The following H2AZ2 variants were observed in gnomAD, a reference collection of about 807,000 sequenced individuals.
The protein encoded by H2AZ2 is H2A.Z variant histone 2.
H2AZ2 carries 5 observed loss-of-function variants against 15.5 expected under a neutral mutation model. The observed-to-expected ratio is 0.32, with a 90% CI of 0.17 to 0.68. The LOEUF (loss-of-function observed/expected upper bound fraction) is 0.68, where lower values mean the gene tolerates loss of function less well. H2AZ2 is among the 30% of genes least tolerant of loss of function. The pLI is 0.72. For missense variants in H2AZ2, 42 were observed against 162.5 expected (o/e 0.26, Z 4.03); for synonymous variants, 44 against 57.4 (o/e 0.77, Z 1.05).
chr7:44,840,001 C>CT (rs1562787569), intron 3 of H2AZ2, among the ~76,000 whole-genome samples: 2 of 123,212 alleles, frequency 1.6e-5, no homozygotes, highest in African/African-American at 6.4e-5. Flanking sequence ...GACCCTGTCT[C>CT]AAAATAAATA....
intron 1 of H2AZ2, among the ~76,000 whole-genome samples, chr7:44,844,925 C>T (rs1449216148): frequency 6.6e-6 from 1 of 152,030 alleles, no homozygotes; most frequent in African/African-American, 2.4e-5. Context: ...GGAGGAAATA[C>T]TAAAGGTCTG....
At chr7:44,829,643 T>C (rs1163790245), downstream of H2AZ2, 1 of 150,592 alleles carries the variant, frequency 6.6e-6, no homozygotes, top group Admixed American at 6.6e-5. Context: ...GGTAGAAGAT[T>C]GTGGAAAGGC....
Position 44,848,068 on chromosome 7 carries a change from G to T in H2AZ2, c.-97C>A. ...TCTCGCAGCACCGACCGCCGCCGCC[G>T]GAGCCGGACAATACCCCGTGCCCGC... is the stretch of plus-strand genomic sequence containing the variant. On this transcript the variant is annotated 5_prime_UTR_variant, in exon 1 of 5. Coordinates refer to ENST00000308153, the MANE Select transcript of H2AZ2 (RefSeq NM_012412.5). The T allele has an allele frequency of 1.4e-6, 1 of 733,006 alleles. No individual in the cohort carries two copies. The highest frequency in any genetic ancestry group is 1.9e-6 in the Non-Finnish European group (1 of 537,176). The allele number at this position is 733,006 out of a possible 1,614,324, so 45.4% of individuals were successfully genotyped here. A position where few individuals can be genotyped will look rare whatever the true frequency, so the allele number is the denominator to read the frequency against.
At chr7:44,827,122 T>G (rs958606407), downstream of H2AZ2, 2 of 152,220 alleles carry the variant, frequency 1.3e-5, no homozygotes, top group African/African-American at 4.8e-5. Flanking sequence ...GGGAATCACC[T>G]CATCTGTGCA....
At chr7:44,829,551 G>C (rs1396281895), downstream of H2AZ2, 1 of 146,302 alleles carries the variant, frequency 6.8e-6, no homozygotes, top group African/African-American at 2.5e-5. Context: ...AGTGAGCCAA[G>C]ATCGTGCCAT....
At chr7:44,845,023 A>G (rs2071606046) in intron 1 of H2AZ2, among the ~76,000 whole-genome samples, 1 of 152,210 alleles carries the variant, frequency 6.6e-6, no homozygotes, top group Admixed American at 6.5e-5. Context: ...AAATCAGTTT[A>G]CAAGATTGGC....
At chr7:44,839,293 T>C (rs903016767) in intron 3 of H2AZ2, among the ~76,000 whole-genome samples, 1 of 152,140 alleles carries the variant, frequency 6.6e-6, no homozygotes, top group Admixed American at 6.6e-5. Context: ...TGGTGGTTTA[T>C]GTCTGTAATC....
intron 3 of H2AZ2, among the ~76,000 whole-genome samples, chr7:44,840,326 A>G (rs1202144750): frequency 2.0e-5 from 3 of 152,168 alleles, no homozygotes; most frequent in African/African-American, 7.2e-5. Context: ...CAAGTGTACA[A>G]TCTACCCACC....
chr7:44,841,302 T>A (rs1793270262), intron 2 of H2AZ2, among the ~76,000 whole-genome samples: 1 of 152,190 alleles, frequency 6.6e-6, no homozygotes, highest in Non-Finnish European at 1.5e-5. Context: ...CAAATTCCTA[T>A]CTAGTTAATT....
intron 3 of H2AZ2, 94 bp downstream of exon 3, chr7:44,840,805 A>G (rs1793257095): frequency 1.3e-6 from 1 of 784,426 alleles, no homozygotes. Context: ...AGTGAGCATA[A>G]TATGTCTTTT....
intron 1 of H2AZ2, among the ~76,000 whole-genome samples, chr7:44,846,655 CAAAA>C (rs78453116): frequency 0.027 from 3,533 of 132,460 alleles, 65 homozygotes; most frequent in Admixed American, 0.065. Flanking sequence ...AACAAAAAAC[CAAAA>C]AAAAAAAAAA....
chr7:44,841,899 C>A (rs1329875257), intron 2 of H2AZ2, among the ~76,000 whole-genome samples: 3 of 152,196 alleles, frequency 2.0e-5, no homozygotes, highest in Non-Finnish European at 4.4e-5. Flanking sequence ...TCTATGAAAA[C>A]TGCTTCCAGT....
At chr7:44,831,527 C>G (rs542280967), downstream of H2AZ2, among the ~76,000 whole-genome samples, 1 of 151,074 alleles carries the variant, frequency 6.6e-6, no homozygotes, top group Non-Finnish European at 1.5e-5. Context: ...GATTATATTG[C>G]ACTCCCCCCC....
rs867307115 is a variant in H2AZ2 at position 44,848,045 on chromosome 7, T to C, written c.-74A>G. 1.9e-5 allele frequency: 19 copies of C among 1,002,792 alleles called. No homozygotes were observed. Among genetic ancestry groups the C allele is most frequent in the Middle Eastern group, 6.2e-4 (2 of 3,236 alleles). 62.1% of individuals were successfully genotyped at this position (1,002,792 alleles called of 1,614,324 possible). A position where few individuals can be genotyped will look rare whatever the true frequency, so the allele number is the denominator to read the frequency against. The stretch of plus-strand genomic sequence containing the variant: ...CCGACCCGCGCCGCCGCCGCCGCTC[T>C]CGCAGCACCGACCGCCGCCGCCGGA... On this transcript the variant is annotated 5_prime_UTR_variant, in exon 1 of 5. Coordinates refer to ENST00000308153, the MANE Select transcript of H2AZ2 (RefSeq NM_012412.5).
chr7:44,827,303 C>T (rs544849772), downstream of H2AZ2: 53 of 152,320 alleles, frequency 3.5e-4, no homozygotes, highest in African/African-American at 1.2e-3. Flanking sequence ...TCTACTTCAA[C>T]ATGTTACATG....
Position 44,832,394 on chromosome 7 carries a change from G to A in H2AZ2, c.*2107C>T, listed in dbSNP as rs1441862355. Among the ~76,000 whole-genome samples, 2 of 152,162 alleles carry A rather than the reference G, an allele frequency of 1.3e-5. No homozygotes were observed. Among genetic ancestry groups the A allele is most frequent in the Non-Finnish European group, 2.9e-5 (2 of 68,038 alleles). ...GTTAATGGGACTCAAACTGATCCCT[G>A]TGGGTTGGGGCAGGGGATAGGTGGG... On this transcript the variant is annotated 3_prime_UTR_variant, in exon 5 of 5. Coordinates refer to ENST00000308153, the MANE Select transcript of H2AZ2 (RefSeq NM_012412.5).
chr7:44,837,326 G>C (rs1168403653), intron 3 of H2AZ2, among the ~76,000 whole-genome samples: 1 of 149,874 alleles, frequency 6.7e-6, no homozygotes, highest in Non-Finnish European at 1.5e-5. Context: ...GGGAGGCTGA[G>C]GCAGGAGAAT....
chr7:44,840,112 T>G (rs1342486790), intron 3 of H2AZ2, among the ~76,000 whole-genome samples: 1 of 152,074 alleles, frequency 6.6e-6, no homozygotes, highest in Non-Finnish European at 1.5e-5. Context: ...GAGGATCCTT[T>G]GAACCCAGGA....
At chr7:44,834,756 G>A (rs1427344648) in intron 4 of H2AZ2, among the ~76,000 whole-genome samples, 194 bp from the exon 5 acceptor site, 2 of 148,258 alleles carry the variant, frequency 1.3e-5, no homozygotes, top group Non-Finnish European at 3.0e-5. Context: ...GTGACTTTCC[G>A]TGCATTTTTT....
Sources: gnomAD v4.1 joint callset for allele counts (sites outside exome capture counted in the v4.1 genomes callset) on GRCh38, gnomAD v4.1.1 for gene constraint, MANE v1.5 for transcripts, NCBI Gene and HGNC (gene_info 2026-07-23, HGNC 2026-07-21) for gene names.